Variants in ABCD2 observed in about 807,000 individuals in gnomAD.
ABCD2 encodes ATP-binding cassette sub-family D member 2.
A neutral mutation model predicts 70.9 loss-of-function variants in ABCD2; 36 were observed. The ratio of observed to expected loss-of-function variants is 0.51; its 90% CI spans 0.39 to 0.67. The LOEUF (loss-of-function observed/expected upper bound fraction) is 0.67. Ranked by LOEUF, ABCD2 falls within the 30% of genes least tolerant of loss-of-function variation. The pLI is 0.00. For missense variants in ABCD2, 729 were observed against 890.2 expected, an observed-to-expected ratio of 0.82 and a Z score of 2.30; for synonymous variants, 304 against 306.9, an observed-to-expected ratio of 0.99 and a Z score of 0.10.
the ABCD2 span, among the ~76,000 whole-genome samples, chr12:39,531,598 G>A: frequency 3.3e-5 from 5 of 152,108 alleles, no homozygotes; most frequent in African/African-American, 7.2e-5. Flanking sequence ...TGGACTTCAC[G>A]GATCAGTAAA....
In ABCD2 at chr12:39,579,541, T is replaced by C; in HGVS notation, c.1871A>G (p.Tyr624Cys). ...CTGAATTTAGTATACTTACTTATGATAAAACATACGAGCCATGCCCATTCT... is the reference window on the plus strand; with the variant it reads ...CTGAATTTAGTATACTTACTTATGACAAAACATACGAGCCATGCCCATTCT... ...KQRMGMARMF[Y>C]HKPKYALLDE... The change falls in exon 8 of 10, where the codon TAT becomes TGT. Residue 624 changes from tyrosine to cysteine, a missense_variant. This residue lies in a region of ABCD2 where 289 missense variants were observed against 328.8 expected (regional missense o/e 0.88). Transcript: ENST00000308666. 6.2e-7 allele frequency: 1 copy of C among 1,612,136 alleles called. No homozygotes were observed. Among genetic ancestry groups the C allele is most frequent in the Non-Finnish European group, 8.5e-7 (1 of 1,178,548 alleles).
Position 39,607,704 on chromosome 12 carries a change from T to C in ABCD2, c.1131A>G (p.Gln377=). 6.2e-7 allele frequency: 1 copy of C among 1,608,326 alleles called. No homozygotes were observed. Residue 377 remains glutamine (Q), a synonymous_variant, in exon 3 of 10, where the codon CAA becomes CAG. Transcript: ENST00000308666. The stretch of plus-strand genomic sequence containing the variant: ...TCCGTTCACTAACCATAACTTGCTT[T>C]TGGCCATCCTCTAGATATAAAAACA... The part of the protein sequence containing the change: ...ATGFADGEDG[Q]KQVMVSERTE...
chr12:39,541,239 T>C, the ABCD2 span, among the ~76,000 whole-genome samples: 1 of 152,112 alleles, frequency 6.6e-6, no homozygotes, highest in Non-Finnish European at 1.5e-5. Context: ...AAAAGTAAAA[T>C]TACATCTGTG....
At chr12:39,581,084 C>G (rs112662145) in intron 7 of ABCD2, among the ~76,000 whole-genome samples, 2,115 of 152,046 alleles carry the variant, frequency 0.014, 66 homozygotes, top group African/African-American at 0.047. Context: ...TTTAAAATTA[C>G]CACTACAAAG....
In ABCD2 at chr12:39,554,046, T is replaced by G; in HGVS notation, c.2089A>C (p.Ser697Arg). 1 of 1,613,766 alleles carries G rather than the reference T, an allele frequency of 6.2e-7. No homozygotes were observed. Among genetic ancestry groups the G allele is most frequent in the Non-Finnish European group, 8.5e-7 (1 of 1,179,852 alleles). The change falls in exon 10 of 10, where the codon AGT becomes CGT. Residue 697 changes from serine to arginine, a missense_variant. Transcript: ENST00000308666. ...QLDTAIRLTL[S>R]EEKQKLESQL... ...GATTCTAGCTTTTGTTTTTCTTCAC[T>G]CAATGTCAAACGGATAGCAGTATCC...
At chr12:39,572,397 T>G (rs1457887158) in intron 9 of ABCD2, among the ~76,000 whole-genome samples, 1 of 152,200 alleles carries the variant, frequency 6.6e-6, no homozygotes, top group African/African-American at 2.4e-5. Flanking sequence ...GTCTTAAAGA[T>G]CTAGGTCCTG....
the ABCD2 span, among the ~76,000 whole-genome samples, chr12:39,541,026 A>G: frequency 6.6e-6 from 1 of 152,252 alleles, no homozygotes; most frequent in Non-Finnish European, 1.5e-5. Context: ...TTTCATAAAC[A>G]ATTGAACAAA....
downstream of ABCD2, among the ~76,000 whole-genome samples, chr12:39,545,642 T>C (rs1479435478): frequency 9.2e-5 from 14 of 152,174 alleles, no homozygotes; most frequent in Non-Finnish European, 1.3e-4. Flanking sequence ...AAAATTTGCT[T>C]TCTGCTGTGA....
chr12:39,616,884 G>C, intron 2 of ABCD2, 104 bp downstream of exon 2: 6 of 1,041,672 alleles, frequency 5.8e-6, no homozygotes, highest in Non-Finnish European at 8.0e-6. Context: ...TTGTTAACTA[G>C]AATATGACCA....
At chr12:39,539,348 A>C in the ABCD2 span, among the ~76,000 whole-genome samples, 1 of 152,228 alleles carries the variant, frequency 6.6e-6, no homozygotes, top group African/African-American at 2.4e-5. Context: ...TGGGAAACAG[A>C]ACATGTCCTA....
chr12:39,557,476 A>AG (rs1237392559), intron 9 of ABCD2, among the ~76,000 whole-genome samples: 6 of 152,248 alleles, frequency 3.9e-5, no homozygotes, highest in African/African-American at 1.4e-4. Context: ...GCAATGGAAA[A>AG]GAAAAACCCC....
chr12:39,567,565 G>A (rs927666767), intron 9 of ABCD2, among the ~76,000 whole-genome samples: 6 of 152,142 alleles, frequency 3.9e-5, no homozygotes, highest in African/African-American at 1.4e-4. Context: ...GCACACTGAT[G>A]AGTCTTGACT....
Position 39,618,903 on chromosome 12 carries a change from G to GTCAGC in ABCD2, c.708_712dup (p.Thr238SerfsTer2). On this transcript the variant is annotated stop_gained and frameshift_variant, in exon 1 of 10. Transcript: ENST00000308666. LOFTEE classifies it high-confidence loss of function. ...AGCAGTTTGAATGAGTGTATAGGAGGTCAGCATTACATCTAAAATAGGTTT... is the reference window on the plus strand; with the variant it reads ...AGCAGTTTGAATGAGTGTATAGGAGGTCAGCTCAGCATTACATCTAAAATAGGTTT... 6.2e-7 allele frequency: 1 copy of GTCAGC among 1,614,190 alleles called. No homozygotes were observed. The highest frequency in any genetic ancestry group is 8.5e-7 in the Non-Finnish European group (1 of 1,180,038).
intron 9 of ABCD2, among the ~76,000 whole-genome samples, chr12:39,562,984 C>A (rs562956693): frequency 6.6e-6 from 1 of 152,202 alleles, no homozygotes; most frequent in Admixed American, 6.5e-5. Flanking sequence ...TGGAATTCAT[C>A]CTGGAGATGC....
chr12:39,570,660 T>C (rs1721785382), intron 9 of ABCD2, among the ~76,000 whole-genome samples: 2 of 152,118 alleles, frequency 1.3e-5, no homozygotes, highest in South Asian at 4.1e-4. Context: ...CAATGAAATT[T>C]GGATATAAAT....
At chr12:39,617,250 T>A in intron 1 of ABCD2, 82 bp from the exon 2 acceptor site, 2 of 866,130 alleles carry the variant, frequency 2.3e-6, no homozygotes, top group Non-Finnish European at 3.2e-6. Flanking sequence ...TGGCATTATC[T>A]ATGCATCTTA....
At chr12:39,607,413 T>C (rs966036816) in intron 3 of ABCD2, among the ~76,000 whole-genome samples, 186 bp downstream of exon 3, 10 of 152,168 alleles carry the variant, frequency 6.6e-5, no homozygotes, top group African/African-American at 2.4e-4. Context: ...ATTGATAGTA[T>C]TATAAAACAA....
At chr12:39,610,767 A>C (rs1942034461) in intron 2 of ABCD2, among the ~76,000 whole-genome samples, 1 of 152,184 alleles carries the variant, frequency 6.6e-6, no homozygotes, top group Admixed American at 6.5e-5. Context: ...AAATAATAAA[A>C]GCTTCCTCCA....
intron 5 of ABCD2, among the ~76,000 whole-genome samples, chr12:39,603,633 G>A (rs1260268739): frequency 6.6e-6 from 1 of 151,758 alleles, no homozygotes; most frequent in East Asian, 1.9e-4. Flanking sequence ...TTATTTCCAG[G>A]TACAAATTTC....
Sources: allele counts gnomAD v4.1 joint callset (sites outside exome capture counted in the v4.1 genomes callset), GRCh38; gene constraint gnomAD v4.1.1; regional missense constraint gnomAD v4.1.1; transcripts MANE v1.5; gene names NCBI Gene and HGNC (gene_info 2026-07-23, HGNC 2026-07-21).